Variants in ZNF510 observed in about 807,000 individuals in gnomAD.
ZNF510 encodes zinc finger protein 510.
A neutral mutation model predicts 18.1 loss-of-function variants in ZNF510; 15 were observed. The observed-to-expected ratio is 0.83, with a 90% confidence interval of 0.55 to 1.28. The LOEUF is 1.28. Ranked by LOEUF, ZNF510 falls within the 50% of genes most tolerant of loss-of-function variation. The probability of loss-of-function intolerance (pLI) is 0.00; values close to 1 mark genes in which losing one functional copy is unlikely to be tolerated. For missense variants in ZNF510, 724 were observed against 791.8 expected (o/e 0.91, Z 1.03); for synonymous variants, 261 against 266.4 (o/e 0.98, Z 0.20).
chr9:96,758,661 G>C lies in ZNF510; in HGVS notation c.*117C>G. 9.5e-7 allele frequency: 1 copy of C among 1,049,744 alleles called. No individual in the cohort carries two copies. Among genetic ancestry groups the C allele is most frequent in the Non-Finnish European group, 1.3e-6 (1 of 740,988 alleles). 65.0% of individuals were successfully genotyped at this position (1,049,744 alleles called of 1,614,324 possible). On this transcript the variant is annotated 3_prime_UTR_variant, in exon 6 of 6. Transcript: ENST00000223428. ...TCCTATGTGAATTCTCTGATTCACAGTGAGGGTTTACTTCTGGGACTGTCT... is the reference window on the plus strand; with the variant it reads ...TCCTATGTGAATTCTCTGATTCACACTGAGGGTTTACTTCTGGGACTGTCT...
In ZNF510 at chr9:96,760,362, C is replaced by T. The variant is rs373991754; in HGVS notation, c.468G>A (p.Leu156=). ...CTACATGCAGAGTAAATGGTTTCCC[C>T]AAAACTTTCTCTTCCTCTGTAGTCA... ...KTLTTEEEKV[L]GKPFTLHVAA... Residue 156 remains leucine (L), a synonymous_variant, in exon 6 of 6, where the codon TTG becomes TTA. Transcript: ENST00000223428. The T allele has an allele frequency of 2.1e-5, 34 of 1,613,820 alleles. No homozygotes were observed. The highest frequency in any genetic ancestry group is 2.8e-5 in the Non-Finnish European group (33 of 1,179,878).
In ZNF510 at chr9:96,759,352, C is replaced by T; in HGVS notation, c.1478G>A (p.Cys493Tyr). ...GGACTTCTGAACAAAAGTTTTCCCA[C>T]ATTCACTACATTCATAGGGTTTTTC... ...TGEKPYECSE[C>Y]GKTFVQKSTL... The change falls in exon 6 of 6, where the codon TGT becomes TAT. Residue 493 changes from cysteine (C) to tyrosine (Y), a missense_variant. Transcript: ENST00000223428. 1.9e-6 allele frequency: 3 copies of T among 1,614,156 alleles called. No individual in the cohort carries two copies. The highest frequency in any genetic ancestry group is 2.5e-6 in the Non-Finnish European group (3 of 1,180,002).
At chr9:96,777,322 G>C (rs1029247259) in intron 1 of ZNF510, among the ~76,000 whole-genome samples, 2 of 152,198 alleles carry the variant, frequency 1.3e-5, no homozygotes, top group South Asian at 2.1e-4. Flanking sequence ...GGGTTAGGTA[G>C]GTAGGCCATT....
rs1162400827 is a variant in ZNF510, at chr9:96,763,596, T to C, written c.166A>G (p.Thr56Ala). The C allele has an allele frequency of 6.2e-7, 1 of 1,613,468 alleles. No individual in the cohort carries two copies. Among genetic ancestry groups the C allele is most frequent in the East Asian group, 2.2e-5 (1 of 44,872 alleles). Residue 56 changes from threonine to alanine, a missense_variant, in exon 4 of 6, where the codon ACC becomes GCC. Transcript: ENST00000223428. Reference protein sequence around the residue: ...VSFKDVTIEFTQEEWQQMAPV... With the variant: ...VSFKDVTIEFAQEEWQQMAPV... ...GCCATTTGCTGCCACTCCTCCTGGGTGAATTCTATAGTCACGTCCTTGAAT... is the reference window on the plus strand; with the variant it reads ...GCCATTTGCTGCCACTCCTCCTGGGCGAATTCTATAGTCACGTCCTTGAAT...
chr9:96,760,966 T>C (rs980510931), intron 5 of ZNF510, among the ~76,000 whole-genome samples: 10 of 152,034 alleles, frequency 6.6e-5, no homozygotes, highest in African/African-American at 2.4e-4. Context: ...ATGGTTAGAA[T>C]AGTCTATTGT....
chr9:96,758,667 G>T lies in ZNF510; in HGVS notation c.*111C>A, dbSNP rs866755926. ...GTGAATTCTCTGATTCACAGTGAGG[G>T]TTTACTTCTGGGACTGTCTTCTTAC... is the stretch of plus-strand genomic sequence containing the variant. On this transcript the variant is annotated 3_prime_UTR_variant, in exon 6 of 6. Transcript: ENST00000223428. 1.3e-5 allele frequency: 14 copies of T among 1,107,244 alleles called. No homozygotes were observed. The highest frequency in any genetic ancestry group is 3.1e-4 in the Middle Eastern group (1 of 3,224). The allele number at this position is 1,107,244 out of a possible 1,614,324, so 68.6% of individuals were successfully genotyped here.
At position 96,759,338 on chromosome 9, in the gene ZNF510, C is replaced by A; in HGVS notation, c.1492G>T (p.Val498Phe). The change falls in exon 6 of 6, where the codon GTT (valine) becomes TTT (phenylalanine). Residue 498 changes from valine to phenylalanine, a missense_variant. Val to Phe is a conservative substitution (Grantham distance 50). Transcript: ENST00000223428. ...TGATCTCTGAGGGTGGACTTCTGAA[C>A]AAAAGTTTTCCCACATTCACTACAT... The part of the protein sequence containing the change: ...YECSECGKTF[V>F]QKSTLRDHHR... 6.2e-7 allele frequency: 1 copy of A among 1,614,072 alleles called. No individual in the cohort carries two copies. The highest frequency in any genetic ancestry group is 8.5e-7 in the Non-Finnish European group (1 of 1,179,980).
rs1445425550 is a variant in ZNF510, at chr9:96,775,985, T to A, written c.70+15A>T. 1 of 1,604,090 alleles carries A rather than the reference T, an allele frequency of 6.2e-7. No homozygotes were observed. The highest frequency in any genetic ancestry group is 1.1e-5 in the South Asian group (1 of 88,642). Reference sequence around the variant, plus strand: ...GCAGTCTGACAGTCACCCACGCCTCTCAACCCCAGCTTACCACCTTCTGCA... The same window carrying A: ...GCAGTCTGACAGTCACCCACGCCTCACAACCCCAGCTTACCACCTTCTGCA... On this transcript the variant is annotated intron_variant, in intron 2 of 5. Transcript: ENST00000223428.
rs75538926 is a variant in ZNF510, at chr9:96,775,854, T to C, written c.70+146A>G. The C allele has an allele frequency of 4.4e-3, 4,221 of 962,112 alleles. 119 individuals carry two copies. In the African/African-American group the frequency reaches 0.062, roughly 14 times the overall value. 59.6% of individuals were successfully genotyped at this position (962,112 alleles called of 1,614,324 possible). ...AAGAGTGAGGCAAGAATGAAGAAAA[T>C]GGGGGCTCTATGAGGAGGATTAGAG... On this transcript the variant is annotated intron_variant, in intron 2 of 5. Transcript: ENST00000223428.
chr9:96,765,028 G>A (rs560782321), intron 3 of ZNF510, among the ~76,000 whole-genome samples: 3 of 152,202 alleles, frequency 2.0e-5, no homozygotes, highest in East Asian at 1.9e-4. Flanking sequence ...CAGGAGAATC[G>A]TTTGGACCTG....
intron 3 of ZNF510, among the ~76,000 whole-genome samples, 163 bp downstream of exon 3, chr9:96,774,625 G>A (rs1312432896): frequency 6.6e-6 from 1 of 152,222 alleles, no homozygotes; most frequent in Non-Finnish European, 1.5e-5. Context: ...TGTAACATCA[G>A]GCGACCTCCA....
chr9:96,763,251 T>G, intron 4 of ZNF510, 38 bp from the exon 5 acceptor site: 1 of 1,597,394 alleles, frequency 6.3e-7, no homozygotes, highest in Non-Finnish European at 8.6e-7. Flanking sequence ...AGACCAGATA[T>G]ATGAGATTTT....
chr9:96,767,101 G>T (rs1285115818), intron 3 of ZNF510, among the ~76,000 whole-genome samples: 1 of 152,170 alleles, frequency 6.6e-6, no homozygotes, highest in African/African-American at 2.4e-5. Flanking sequence ...GCTGAGGCAG[G>T]CGAATCACTT....
Position 96,759,160 on chromosome 9 carries a change from T to C in ZNF510, c.1670A>G (p.Asp557Gly), listed in dbSNP as rs1849271494. 1.9e-6 allele frequency: 3 copies of C among 1,613,702 alleles called. No individual in the cohort carries two copies. The highest frequency in any genetic ancestry group is 1.3e-5 in the African/African-American group (1 of 74,806). Reference sequence around the variant, plus strand: ...AGTTTTCTGATGTTGAATGAGATGATCTTTTCGCCAGAAGGATTTTTCACA... The same window carrying C: ...AGTTTTCTGATGTTGAATGAGATGACCTTTTCGCCAGAAGGATTTTTCACA... ...NECEKSFWRK[D>G]HLIQHQKTHT... The change falls in exon 6 of 6, where the codon GAT becomes GGT. Residue 557 changes from aspartate (D) to glycine (G), a missense_variant. Transcript: ENST00000223428.
chr9:96,766,594 A>G (rs988658097), intron 3 of ZNF510, among the ~76,000 whole-genome samples: 1 of 152,132 alleles, frequency 6.6e-6, no homozygotes, highest in African/African-American at 2.4e-5. Context: ...TGACTGACAT[A>G]TATAGGATAA....
chr9:96,763,180 T>G lies in ZNF510; in HGVS notation c.290A>C (p.Lys97Thr). The G allele has an allele frequency of 6.2e-7, 1 of 1,614,070 alleles. No homozygotes were observed. Among genetic ancestry groups the G allele is most frequent in the African/African-American group, 1.3e-5 (1 of 75,040 alleles). ...YCCFKPEVIF[K>T]LEQGEEPWFS... is the part of the protein sequence containing the mutation. ...CCAAGGCTCCTCTCCTTGCTCCAAC[T>G]TGAAGATCACCTCTGGTTTGAAACA... Residue 97 changes from lysine (K) to threonine (T), a missense_variant, in exon 5 of 6, where the codon AAG becomes ACG. Lys to Thr is a moderately conservative substitution (Grantham distance 78). Transcript: ENST00000223428.
At chr9:96,771,296 C>A (rs57817846) in intron 3 of ZNF510, among the ~76,000 whole-genome samples, 4,486 of 151,630 alleles carry the variant, frequency 0.03, 242 homozygotes, top group African/African-American at 0.1. Flanking sequence ...GGGAATTATC[C>A]CAGGAATGCA....
Position 96,763,615 on chromosome 9 carries a change from C to A in ZNF510, c.147G>T (p.Lys49Asn). ...MNISQASVSF[K>N]DVTIEFTQEE... ...CCTGGGTGAATTCTATAGTCACGTC[C>A]TTGAATGACACTGATGCCTGTAACA... The change falls in exon 4 of 6, where the codon AAG becomes AAT. Residue 49 changes from lysine (K) to asparagine (N), a missense_variant. Coordinates refer to ENST00000223428, the MANE Select transcript of ZNF510 (RefSeq NM_014930.3). 6.2e-7 allele frequency: 1 copy of A among 1,612,086 alleles called. No homozygotes were observed. The highest frequency in any genetic ancestry group is 8.5e-7 in the Non-Finnish European group (1 of 1,179,152).
chr9:96,769,575 A>G (rs1048870198), intron 3 of ZNF510, among the ~76,000 whole-genome samples: 2 of 151,802 alleles, frequency 1.3e-5, no homozygotes, highest in Admixed American at 6.6e-5. Flanking sequence ...GATACCAAAG[A>G]AAAAAAAATT....
Sources: gnomAD v4.1 joint callset for allele counts (sites outside exome capture counted in the v4.1 genomes callset) on GRCh38, gnomAD v4.1.1 for gene constraint, MANE v1.5 for transcripts, NCBI Gene and HGNC (gene_info 2026-07-23, HGNC 2026-07-21) for gene names.